Variants in PTPN6 observed in about 807,000 individuals in gnomAD.
PTPN6 encodes tyrosine-protein phosphatase non-receptor type 6.
PTPN6 carries 18 observed loss-of-function variants against 81.5 expected under a neutral mutation model. The observed-to-expected ratio is 0.22, with a 90% CI of 0.15 to 0.33. The LOEUF is 0.33. Ranked by LOEUF, PTPN6 falls within the 10% of genes least tolerant of loss-of-function variation. The pLI is 1.00. For synonymous variants in PTPN6, 301 were observed against 310.9 expected (o/e 0.97, Z 0.33); for missense variants, 500 against 794.2 (o/e 0.63, Z 4.45).
At position 6,956,584 on chromosome 12, in the gene PTPN6, T is replaced by C. The variant is rs1349155176; in HGVS notation, c.1074+16T>C. ...GAAAGGCCGGGTAGGGCGCCCCCCC[T>C]TCCCCGCATCCGCCCCCGTGCTTGT... is the stretch of plus-strand genomic sequence containing the variant. On this transcript the variant is annotated intron_variant, in intron 9 of 15. Transcript: ENST00000318974. The surrounding 1 kb of genome is among the most constrained non-coding windows in gnomAD (Gnocchi z 4.1). The C allele has an allele frequency of 1.2e-5, 19 of 1,612,168 alleles. No homozygotes were observed. Among genetic ancestry groups the C allele is most frequent in the South Asian group, 2.2e-5 (2 of 91,024 alleles).
In PTPN6 at chr12:6,960,709, C is replaced by G. The variant is rs782698794; in HGVS notation, c.1674-97C>G. The G allele has an allele frequency of 1.3e-6, 2 of 1,551,382 alleles. No homozygotes were observed. The highest frequency in any genetic ancestry group is 4.9e-5 in the East Asian group (2 of 40,930). ...GACCGTGGCTGCGTCACCTGTGAGA[C>G]GGGGTGGCCAGAGGGGACTGCCAGT... On this transcript the variant is annotated intron_variant, in intron 14 of 15. Transcript: ENST00000318974. The surrounding 1 kb of genome is among the most constrained non-coding windows in gnomAD (Gnocchi z 6.1).
rs1050329125 is a variant in PTPN6, at chr12:6,957,598, G to T, written c.1075-56G>T. ...ACTCAGAACATAGAGCAGGACCTGG[G>T]ATGGGCCACAGTGCCCTGCTCTGTG... On this transcript the variant is annotated intron_variant, in intron 9 of 15. Transcript: ENST00000318974. This position sits in a 1 kb window ranked among gnomAD's most constrained non-coding sequence, Gnocchi z 6.5. 2 of 1,597,484 alleles carry T rather than the reference G, an allele frequency of 1.3e-6. No homozygotes were observed. The highest frequency in any genetic ancestry group is 1.7e-5 in the Admixed American group (1 of 59,054).
At position 6,957,572 on chromosome 12, in the gene PTPN6, C is replaced by A. The variant is rs1037287633; in HGVS notation, c.1075-82C>A. 3 of 1,532,486 alleles carry A rather than the reference C, an allele frequency of 2.0e-6. No individual in the cohort carries two copies. The African/African-American group carries it at 4.1e-5, about 21-fold the overall frequency. 94.9% of individuals were successfully genotyped at this position (1,532,486 alleles called of 1,614,324 possible). A position where few individuals can be genotyped will look rare whatever the true frequency, so the allele number is the denominator to read the frequency against. Reference sequence around the variant, plus strand: ...AACAAATGTTTGGGCCGGTGCCAGGCACTCAGAACATAGAGCAGGACCTGG... The same window carrying A: ...AACAAATGTTTGGGCCGGTGCCAGGAACTCAGAACATAGAGCAGGACCTGG... On this transcript the variant is annotated intron_variant, in intron 9 of 15. Transcript: ENST00000318974. The surrounding 1 kb of genome is among the most constrained non-coding windows in gnomAD (Gnocchi z 6.5).
rs1456034767 is a variant in PTPN6, at chr12:6,959,496, CG to C, written c.1362-430del. ...TGTCTCAGGGCTATCCTTTCCCTGA[CG>C]TCAGGGTTTGAAGGAAAAGGGAAGT... On this transcript the variant is annotated intron_variant, in intron 11 of 15. Coordinates refer to ENST00000318974, the MANE Select transcript of PTPN6 (RefSeq NM_002831.6). The surrounding 1 kb of genome is among the most constrained non-coding windows in gnomAD (Gnocchi z 6.6). 8 of 300,910 alleles carry C rather than the reference CG, an allele frequency of 2.7e-5. No homozygotes were observed. The highest frequency in any genetic ancestry group is 4.5e-5 in the Non-Finnish European group (7 of 154,406). 18.6% of individuals were successfully genotyped at this position (300,910 alleles called of 1,614,324 possible).
intron 11 of PTPN6, among the ~76,000 whole-genome samples, chr12:6,958,560 T>C (rs1399439884): frequency 6.6e-6 from 1 of 152,266 alleles, no homozygotes; most frequent in Non-Finnish European, 1.5e-5. Flanking sequence ...CTGCCCTCTC[T>C]CCCAGCTTCC....
chr12:6,959,744 C>A lies in PTPN6; in HGVS notation c.1362-183C>A, dbSNP rs1306334209. 32 of 665,756 alleles carry A rather than the reference C, an allele frequency of 4.8e-5. No individual in the cohort carries two copies. In the East Asian group the frequency reaches 7.5e-4, roughly 16 times the overall value. 41.2% of individuals were successfully genotyped at this position (665,756 alleles called of 1,614,324 possible). A position where few individuals can be genotyped will look rare whatever the true frequency, so the allele number is the denominator to read the frequency against. ...CAGCACCGCAGAGCCCGAGGTGGAGCGTGTCCATGCAGAGCTGGGCAAACC... is the reference window on the plus strand; with the variant it reads ...CAGCACCGCAGAGCCCGAGGTGGAGAGTGTCCATGCAGAGCTGGGCAAACC... On this transcript the variant is annotated intron_variant, in intron 11 of 15. Coordinates refer to ENST00000318974, the MANE Select transcript of PTPN6 (RefSeq NM_002831.6). The surrounding 1 kb of genome is among the most constrained non-coding windows in gnomAD (Gnocchi z 6.6).
Position 6,952,009 on chromosome 12 carries a change from G to A in PTPN6, c.158G>A (p.Arg53Gln), listed in dbSNP as rs1555147857. 6.2e-7 allele frequency: 1 copy of A among 1,614,086 alleles called. No individual in the cohort carries two copies. Among genetic ancestry groups the A allele is most frequent in the East Asian group, 2.2e-5 (1 of 44,870 alleles). ...GTGGGGGATCAGGTGACCCATATTC[G>A]GATCCAGAACTCAGGGGATTTCTAT... ...VRVGDQVTHI[R>Q]IQNSGDFYDL... The change falls in exon 3 of 16, where the codon CGG becomes CAG. Residue 53 changes from arginine (R) to glutamine (Q), a missense_variant. Coordinates refer to ENST00000318974, the MANE Select transcript of PTPN6 (RefSeq NM_002831.6). This position sits in a 1 kb window ranked among gnomAD's most constrained non-coding sequence, Gnocchi z 8.1.
At position 6,959,541 on chromosome 12, in the gene PTPN6, G is replaced by A. The variant is rs189031802; in HGVS notation, c.1362-386G>A. 1.2e-4 allele frequency: 48 copies of A among 390,020 alleles called. No homozygotes were observed. Among genetic ancestry groups the A allele is most frequent in the Admixed American group, 2.5e-4 (6 of 23,880 alleles). 24.2% of individuals were successfully genotyped at this position (390,020 alleles called of 1,614,324 possible). A position where few individuals can be genotyped will look rare whatever the true frequency, so the allele number is the denominator to read the frequency against. ...GGGAAGTGAAGCCATGCTGAGAGACGCTCCATAACTCCTTCAGGGAGAGGC... is the reference window on the plus strand; with the variant it reads ...GGGAAGTGAAGCCATGCTGAGAGACACTCCATAACTCCTTCAGGGAGAGGC... On this transcript the variant is annotated intron_variant, in intron 11 of 15. Transcript: ENST00000318974. The surrounding 1 kb of genome is among the most constrained non-coding windows in gnomAD (Gnocchi z 6.6).
Position 6,961,107 on chromosome 12 carries a change from C to T in PTPN6, c.*26-19C>T. The T allele has an allele frequency of 8.5e-7, 1 of 1,173,936 alleles. No homozygotes were observed. The highest frequency in any genetic ancestry group is 1.2e-6 in the Non-Finnish European group (1 of 837,194). The allele number at this position is 1,173,936 out of a possible 1,614,324, so 72.7% of individuals were successfully genotyped here. A position where few individuals can be genotyped will look rare whatever the true frequency, so the allele number is the denominator to read the frequency against. On this transcript the variant is annotated intron_variant, in intron 15 of 15. Transcript: ENST00000318974. Reference sequence around the variant, plus strand: ...GGTTCCAGCTACCCTCTCACTCCCTCACTCCCTTCTCTTGGCAGCCTCAGC... The same window carrying T: ...GGTTCCAGCTACCCTCTCACTCCCTTACTCCCTTCTCTTGGCAGCCTCAGC...
Position 6,951,573 on chromosome 12 carries a change from G to T in PTPN6, c.9-36G>T. 1 of 1,613,664 alleles carries T rather than the reference G, an allele frequency of 6.2e-7. No homozygotes were observed. On this transcript the variant is annotated intron_variant, in intron 1 of 15. Coordinates refer to ENST00000318974, the MANE Select transcript of PTPN6 (RefSeq NM_002831.6). This position sits in a 1 kb window ranked among gnomAD's most constrained non-coding sequence, Gnocchi z 7.2. Reference sequence around the variant, plus strand: ...GGAGGCAAGGGTGCCTGGTGCCCACGGGACCCCTCCTCACTGCCCTGCCTG... The same window carrying T: ...GGAGGCAAGGGTGCCTGGTGCCCACTGGACCCCTCCTCACTGCCCTGCCTG...
chr12:6,958,555 C>T (rs1159085369), intron 11 of PTPN6, among the ~76,000 whole-genome samples: 1 of 152,260 alleles, frequency 6.6e-6, no homozygotes, highest in Non-Finnish European at 1.5e-5. Flanking sequence ...TGACTCTGCC[C>T]TCTCTCCCAG....
chr12:6,947,308 G>A (rs1158836164), upstream of PTPN6, among the ~76,000 whole-genome samples: 4 of 152,234 alleles, frequency 2.6e-5, no homozygotes, highest in Non-Finnish European at 4.4e-5. Context: ...TCCAGTGGGA[G>A]GTTACAGACC....
At position 6,960,272 on chromosome 12, in the gene PTPN6, G is replaced by GA. The variant is rs1591693644; in HGVS notation, c.1581+33_1581+34insA. On this transcript the variant is annotated intron_variant, in intron 13 of 15. Coordinates refer to ENST00000318974, the MANE Select transcript of PTPN6 (RefSeq NM_002831.6). This position sits in a 1 kb window ranked among gnomAD's most constrained non-coding sequence, Gnocchi z 6.1. The stretch of plus-strand genomic sequence containing the variant: ...CAGAGCAGGGCCTGGGGGGGGGGGG[G>GA]GCTGCAGTGCAGGATGGGTGCCACC... 1.3e-6 allele frequency: 2 copies of GA among 1,599,744 alleles called. No homozygotes were observed. Among genetic ancestry groups the GA allele is most frequent in the South Asian group, 1.1e-5 (1 of 90,728 alleles).
upstream of PTPN6, chr12:6,951,333 C>T (rs1158909949): frequency 2.6e-6 from 4 of 1,515,458 alleles, no homozygotes; most frequent in African/African-American, 1.4e-5. This position sits in a 1 kb window ranked among gnomAD's most constrained non-coding sequence, Gnocchi z 7.2. Flanking sequence ...TTCCTGTCCC[C>T]GCCCTGCCGG....
intron 3 of PTPN6, among the ~76,000 whole-genome samples, chr12:6,953,896 T>C (rs1229422942): frequency 6.6e-6 from 1 of 152,040 alleles, no homozygotes; most frequent in Non-Finnish European, 1.5e-5. Context: ...CCCCCATCCC[T>C]GCGGTTGGAA....
rs372562559 is a variant in PTPN6 at position 6,960,261 on chromosome 12, G to GCC, written c.1581+22_1581+23insCC. Reference sequence around the variant, plus strand: ...GCAGGTGCGTGCAGAGCAGGGCCTGGGGGGGGGGGGGGCTGCAGTGCAGGA... The same window carrying GCC: ...GCAGGTGCGTGCAGAGCAGGGCCTGGCCGGGGGGGGGGGGCTGCAGTGCAGGA... On this transcript the variant is annotated intron_variant, in intron 13 of 15. Transcript: ENST00000318974. The surrounding 1 kb of genome is among the most constrained non-coding windows in gnomAD (Gnocchi z 6.1). 3 of 1,317,798 alleles carry GCC rather than the reference G, an allele frequency of 2.3e-6. No individual in the cohort carries two copies. Among genetic ancestry groups the GCC allele is most frequent in the East Asian group, 2.7e-5 (1 of 36,848 alleles). The allele number at this position is 1,317,798 out of a possible 1,614,324, so 81.6% of individuals were successfully genotyped here. A position where few individuals can be genotyped will look rare whatever the true frequency, so the allele number is the denominator to read the frequency against.
At position 6,952,392 on chromosome 12, in the gene PTPN6, G is replaced by A. The variant is rs1436700178; in HGVS notation, c.326+215G>A. 1 of 624,720 alleles carries A rather than the reference G, an allele frequency of 1.6e-6. No individual in the cohort carries two copies. The allele number at this position is 624,720 out of a possible 1,614,324, so 38.7% of individuals were successfully genotyped here. On this transcript the variant is annotated intron_variant, in intron 3 of 15. Coordinates refer to ENST00000318974, the MANE Select transcript of PTPN6 (RefSeq NM_002831.6). The surrounding 1 kb of genome is among the most constrained non-coding windows in gnomAD (Gnocchi z 8.1). Reference sequence around the variant, plus strand: ...ACCACCCTTTCCACCTAACCCCGAGGAAGCCACAGAAAGCTGCCTCGCCCT... The same window carrying A: ...ACCACCCTTTCCACCTAACCCCGAGAAAGCCACAGAAAGCTGCCTCGCCCT...
rs1946014521 is a variant in PTPN6 at position 6,955,593 on chromosome 12, C to G, written c.748-67C>G. On this transcript the variant is annotated intron_variant, in intron 6 of 15. Coordinates refer to ENST00000318974, the MANE Select transcript of PTPN6 (RefSeq NM_002831.6). The surrounding 1 kb of genome is among the most constrained non-coding windows in gnomAD (Gnocchi z 7.2). ...TGCCCACCTCTGCTCCTGACCCACC[C>G]CACGTGAGCTCCCCCGATGGATGCC... is the stretch of plus-strand genomic sequence containing the variant. The G allele has an allele frequency of 6.3e-7, 1 of 1,575,226 alleles. No homozygotes were observed. The highest frequency in any genetic ancestry group is 8.7e-7 in the Non-Finnish European group (1 of 1,145,246).
rs1946087176 is a variant in PTPN6, at chr12:6,959,320, A to T, written c.1362-607A>T. 6.4e-6 allele frequency: 1 copy of T among 157,060 alleles called. No homozygotes were observed. Among genetic ancestry groups the T allele is most frequent in the Non-Finnish European group, 1.4e-5 (1 of 71,056 alleles). 9.7% of individuals were successfully genotyped at this position (157,060 alleles called of 1,614,324 possible). ...TTTGACAATCTGGGTTTGAAATTAGACAGCGCGACTCAGGGCATCAGCTTG... is the reference window on the plus strand; with the variant it reads ...TTTGACAATCTGGGTTTGAAATTAGTCAGCGCGACTCAGGGCATCAGCTTG... On this transcript the variant is annotated intron_variant, in intron 11 of 15. Transcript: ENST00000318974. The surrounding 1 kb of genome is among the most constrained non-coding windows in gnomAD (Gnocchi z 6.6).
Sources: gnomAD v4.1 joint callset for allele counts (sites outside exome capture counted in the v4.1 genomes callset) on GRCh38, gnomAD v4.1.1 for gene constraint, Gnocchi (gnomAD v3.1) non-coding constraint, MANE v1.5 for transcripts, NCBI Gene and HGNC (gene_info 2026-07-23, HGNC 2026-07-21) for gene names.